The following COP1 variants were observed in gnomAD, a reference collection of about 807,000 sequenced individuals.
COP1 encodes E3 ubiquitin-protein ligase COP1.
A neutral mutation model predicts 101.3 loss-of-function variants in COP1; 24 were observed. That is an observed-to-expected ratio of 0.24 (90% CI 0.17 to 0.33). COP1 has a LOEUF of 0.33. Ranked by LOEUF, COP1 falls within the 10% of genes least tolerant of loss-of-function variation. COP1 has a pLI of 1.00. For synonymous variants in COP1, 347 were observed against 341.9 expected (o/e 1.01, Z -0.17); for missense variants, 663 against 906.2 (o/e 0.73, Z 3.45).
In COP1 at chr1:176,046,946, T is replaced by TTAAA. The variant is rs563721692; in HGVS notation, c.1278-626_1278-623dup. ...CACATTCCTCATATCACAAAAGAGG[T>TTAAA]TAAATAAATAAATAAATAAATAATC... is the stretch of plus-strand genomic sequence containing the variant. On this transcript the variant is annotated intron_variant, in intron 11 of 19. Coordinates refer to ENST00000367669, the MANE Select transcript of COP1 (RefSeq NM_022457.7). Among the ~76,000 whole-genome samples the TTAAA allele has an allele frequency of 5.6e-4, 85 of 151,748 alleles. No homozygotes were observed. The South Asian group carries it at 7.1e-3, about 13-fold the overall frequency.
intron 14 of COP1, among the ~76,000 whole-genome samples, chr1:176,041,668 A>T (rs535284736): frequency 3.9e-5 from 6 of 152,222 alleles, no homozygotes; most frequent in East Asian, 3.9e-4. Context: ...TTGGATTTTT[A>T]AAAAAATAAA....
At chr1:175,946,679 T>G (rs1445907106) in intron 19 of COP1, among the ~76,000 whole-genome samples, 1 of 152,152 alleles carries the variant, frequency 6.6e-6, no homozygotes, top group Non-Finnish European at 1.5e-5. Context: ...CATCTATCAA[T>G]TTTCAACTGA....
intron 1 of COP1, among the ~76,000 whole-genome samples, chr1:176,187,733 A>G (rs985188651): frequency 4.6e-5 from 7 of 152,304 alleles, no homozygotes; most frequent in Middle Eastern, 3.4e-3. Flanking sequence ...GATTAACAAG[A>G]TATCTATGAG....
At chr1:176,195,937 C>T (rs1699635969) in intron 1 of COP1, among the ~76,000 whole-genome samples, 1 of 152,166 alleles carries the variant, frequency 6.6e-6, no homozygotes, top group Non-Finnish European at 1.5e-5. Flanking sequence ...CGTACTATGT[C>T]CACTACTTGG....
At chr1:176,053,945 T>G (rs1304628583) in intron 11 of COP1, among the ~76,000 whole-genome samples, 1 of 152,190 alleles carries the variant, frequency 6.6e-6, no homozygotes, top group Admixed American at 6.5e-5. Flanking sequence ...ACTGGCAGAC[T>G]TGAATATGGT....
intron 18 of COP1, among the ~76,000 whole-genome samples, chr1:175,955,901 G>A (rs1158977267): frequency 6.6e-6 from 1 of 151,844 alleles, no homozygotes; most frequent in Non-Finnish European, 1.5e-5. Context: ...AGACTCAATA[G>A]TGTCACAATG....
intron 11 of COP1, among the ~76,000 whole-genome samples, chr1:176,080,510 T>A (rs1678921495): frequency 6.6e-6 from 1 of 152,064 alleles, no homozygotes; most frequent in African/African-American, 2.4e-5. Context: ...AAACTGATAA[T>A]CTTCTAAGCT....
At chr1:176,010,983 G>C (rs1012574064) in intron 15 of COP1, among the ~76,000 whole-genome samples, 1 of 152,090 alleles carries the variant, frequency 6.6e-6, no homozygotes, top group African/African-American at 2.4e-5. Context: ...ACATTTTTAA[G>C]GCTAATTTTT....
At chr1:175,968,600 C>T in intron 18 of COP1, 1 of 439,958 alleles carries the variant, frequency 2.3e-6, no homozygotes, top group East Asian at 5.9e-5. Flanking sequence ...TTCCAATTAA[C>T]TAACTGCATC....
At chr1:176,011,040 C>T (rs61822765) in intron 15 of COP1, among the ~76,000 whole-genome samples, 10,033 of 152,132 alleles carry the variant, frequency 0.066, 411 homozygotes, top group Middle Eastern at 0.12. Flanking sequence ...TCTTAATATT[C>T]CCCTTTAAAC....
chr1:176,110,829 G>GT (rs1685158696), intron 9 of COP1, among the ~76,000 whole-genome samples: 1 of 152,150 alleles, frequency 6.6e-6, no homozygotes, highest in African/African-American at 2.4e-5. Flanking sequence ...ACTTCTCTGT[G>GT]TATCAGTTTC....
intron 15 of COP1, among the ~76,000 whole-genome samples, chr1:176,005,383 C>G (rs1450026221): frequency 4.6e-5 from 7 of 151,790 alleles, no homozygotes; most frequent in African/African-American, 7.3e-5. Flanking sequence ...TTATTTTTTG[C>G]CTTCTGCTAG....
rs142331098 is a variant in COP1 at position 175,946,687 on chromosome 1, T to C, written c.2178+508A>G. Among the ~76,000 whole-genome samples the C allele has an allele frequency of 3.6e-3, 555 of 152,312 alleles. 2 individuals carry two copies. The highest frequency in any genetic ancestry group is 0.014 in the Middle Eastern group (4 of 294). ...TGAATCACATCTATCAATTTTCAAC[T>C]GAACACTAAAATAACTTTTTCTCCC... On this transcript the variant is annotated intron_variant, in intron 19 of 19. Coordinates refer to ENST00000367669, the MANE Select transcript of COP1 (RefSeq NM_022457.7).
intron 15 of COP1, among the ~76,000 whole-genome samples, chr1:176,019,861 C>CA (rs988111556): frequency 3.9e-4 from 58 of 147,894 alleles, no homozygotes; most frequent in South Asian, 8.5e-4. Context: ...AATCCTGTCT[C>CA]AAAAAAAAAA....
rs544362878 is a variant in COP1, at chr1:176,123,468, AAG to A, written c.969-6789_969-6788del. Among the ~76,000 whole-genome samples the A allele has an allele frequency of 2.4e-3, 359 of 152,284 alleles. 3 individuals are homozygous for A. The highest frequency in any genetic ancestry group is 8.4e-3 in the African/African-American group (349 of 41,562). ...TATATCTATAATAATTAAAGGGGAA[AAG>A]AGTTTCCTATGTGACTCTAAATGAC... On this transcript the variant is annotated intron_variant, in intron 8 of 19. Transcript: ENST00000367669.
intron 6 of COP1, among the ~76,000 whole-genome samples, chr1:176,137,519 T>C (rs1312667039): frequency 1.3e-5 from 2 of 152,174 alleles, no homozygotes; most frequent in African/African-American, 4.8e-5. Flanking sequence ...TGAACACATT[T>C]ATAAATGTAA....
In COP1 at chr1:176,063,047, G is replaced by GTTTTT. The variant is rs34464104; in HGVS notation, c.1278-16728_1278-16724dup. Among the ~76,000 whole-genome samples the GTTTTT allele has an allele frequency of 4.7e-3, 425 of 90,584 alleles. 10 individuals are homozygous for GTTTTT. Among genetic ancestry groups the GTTTTT allele is most frequent in the Non-Finnish European group, 5.2e-3 (263 of 50,934 alleles). The allele number at this position is 90,584 out of a possible 152,430, so 59.4% of individuals were successfully genotyped here. On this transcript the variant is annotated intron_variant, in intron 11 of 19. Coordinates refer to ENST00000367669, the MANE Select transcript of COP1 (RefSeq NM_022457.7). ...GGTGGAAGAGAAAATTTTTGAAAAT[G>GTTTTT]TTTTTTTTTTTTTTTTTTTTTTTGA...
intron 18 of COP1, among the ~76,000 whole-genome samples, chr1:175,981,879 G>GA (rs1655948805): frequency 6.6e-6 from 1 of 152,080 alleles, no homozygotes; most frequent in Non-Finnish European, 1.5e-5. Context: ...ACAGGTATAT[G>GA]AAAAAATGCT....
At chr1:176,141,468 T>A (rs1690668013) in intron 6 of COP1, among the ~76,000 whole-genome samples, 2 of 152,028 alleles carry the variant, frequency 1.3e-5, no homozygotes, top group Admixed American at 1.3e-4. Context: ...GCCACTGCAC[T>A]CCAGCCTGGG....
Sources: gnomAD v4.1 joint callset for allele counts (sites outside exome capture counted in the v4.1 genomes callset) on GRCh38, gnomAD v4.1.1 for gene constraint, MANE v1.5 for transcripts, NCBI Gene and HGNC (gene_info 2026-07-23, HGNC 2026-07-21) for gene names.